Variants in SNAP47 observed in about 807,000 individuals in gnomAD.
SNAP47 encodes the protein synaptosomal-associated protein 47.
In SNAP47, 20 loss-of-function variants were observed where a neutral mutation model predicts 31.4. That is an observed-to-expected ratio of 0.64 (90% CI 0.45 to 0.93). The LOEUF (loss-of-function observed/expected upper bound fraction) is 0.93, where lower values mean the gene tolerates loss of function less well. SNAP47 is among the 40% of genes least tolerant of loss of function. The probability of loss-of-function intolerance (pLI) is 0.00; values close to 1 mark genes in which losing one functional copy is unlikely to be tolerated. For synonymous variants in SNAP47, 194 were observed against 213.4 expected (o/e 0.91, Z 0.79); for missense variants, 492 against 528.5 (o/e 0.93, Z 0.68).
intron 1 of SNAP47, among the ~76,000 whole-genome samples, chr1:227,738,365 G>C (rs1661372212): frequency 6.6e-6 from 1 of 151,974 alleles, no homozygotes; most frequent in Non-Finnish European, 1.5e-5. Flanking sequence ...TTTATTCCTG[G>C]TGTAGAGCCG....
chr1:227,773,724 C>T lies in SNAP47; in HGVS notation c.1113+6641C>T, dbSNP rs769637234. 8.1e-4 allele frequency among the ~76,000 whole-genome samples: 123 copies of T among 152,336 alleles called. 1 individual carries two copies. Among genetic ancestry groups the T allele is most frequent in the Admixed American group, 6.9e-3 (105 of 15,300 alleles). ...TAGCGTGGTGCTCCAGCTACTTGTG[C>T]TGCTTGGTGCTGTGGTGTGCCATGC... On this transcript the variant is annotated intron_variant, in intron 4 of 4. Transcript: ENST00000617596.
chr1:227,731,929 C>G (rs1287536451), upstream of SNAP47: 1 of 177,418 alleles, frequency 5.6e-6, no homozygotes, highest in Non-Finnish European at 1.2e-5. Flanking sequence ...GGAGGCCAAC[C>G]CCAGCCCTGC....
At chr1:227,744,145 A>G (rs1661800891) in intron 1 of SNAP47, 1 of 150,038 alleles carries the variant, frequency 6.7e-6, no homozygotes, top group South Asian at 2.1e-4. Flanking sequence ...GACAGGAAAA[A>G]CAGTCTGTGT....
chr1:227,754,868 T>C (rs184677093), intron 2 of SNAP47, among the ~76,000 whole-genome samples: 65 of 152,356 alleles, frequency 4.3e-4, no homozygotes, highest in African/African-American at 1.5e-3. Flanking sequence ...CTAAAATAAC[T>C]GATGGCTGTC....
chr1:227,743,119 C>T (rs1661723881), intron 1 of SNAP47, among the ~76,000 whole-genome samples: 1 of 152,148 alleles, frequency 6.6e-6, no homozygotes, highest in Admixed American at 6.5e-5. Context: ...GTGGGGTGCT[C>T]AGGTGAGTAT....
At chr1:227,732,693 G>C (rs1321878891), upstream of SNAP47, 3 of 1,610,682 alleles carry the variant, frequency 1.9e-6, no homozygotes, top group South Asian at 3.3e-5. Flanking sequence ...AGAGGGAAGA[G>C]GCCAGTGAGC....
upstream of SNAP47, chr1:227,735,217 A>G (rs2295994): frequency 1.3e-6 from 2 of 1,588,702 alleles, no homozygotes; most frequent in East Asian, 2.3e-5. Flanking sequence ...CGCCGGGGAC[A>G]TCGACCCCCA....
intron 1 of SNAP47, among the ~76,000 whole-genome samples, chr1:227,738,047 TTTTTGC>T (rs1350290457): frequency 6.6e-6 from 1 of 152,040 alleles, no homozygotes; most frequent in Non-Finnish European, 1.5e-5. Context: ...TGTTTTGTTG[TTTTTGC>T]TGTTTTGAGA....
chr1:227,731,058 AC>A (rs2102854743), upstream of SNAP47: 1 of 152,654 alleles, frequency 6.6e-6, no homozygotes, highest in South Asian at 2.1e-4. Context: ...CCGACAAAGC[AC>A]CTTTGCTGCC....
intron 4 of SNAP47, among the ~76,000 whole-genome samples, chr1:227,767,484 CAT>C (rs1281870751): frequency 7.2e-5 from 11 of 152,188 alleles, no homozygotes; most frequent in South Asian, 2.1e-4. Flanking sequence ...GCTATGTGTA[CAT>C]ATGTTATGCA....
At chr1:227,754,742 T>C (rs990579354) in intron 2 of SNAP47, among the ~76,000 whole-genome samples, 5 of 152,102 alleles carry the variant, frequency 3.3e-5, no homozygotes, top group African/African-American at 1.2e-4. Context: ...TTGCAGGCCT[T>C]TGAGGGGAAC....
At chr1:227,749,785 GTGTC>G (rs973866440) in intron 2 of SNAP47, among the ~76,000 whole-genome samples, 2 of 124,584 alleles carry the variant, frequency 1.6e-5, no homozygotes, top group Admixed American at 7.8e-5. Flanking sequence ...ATGTGTATGT[GTGTC>G]TGTGTGTTTC....
At chr1:227,750,640 T>G (rs1200151209) in intron 2 of SNAP47, among the ~76,000 whole-genome samples, 1 of 152,060 alleles carries the variant, frequency 6.6e-6, no homozygotes, top group Non-Finnish European at 1.5e-5. Context: ...GGGGTGTCCC[T>G]GGGCTGGACC....
At chr1:227,730,424 A>AT (rs11312012), upstream of SNAP47, 1,286 of 146,186 alleles carry the variant, frequency 8.8e-3, 8 homozygotes, top group Non-Finnish European at 0.011. Flanking sequence ...TGGTGTCAGC[A>AT]TTTTTTTTTT....
At chr1:227,775,006 C>T (rs1664065917) in intron 4 of SNAP47, among the ~76,000 whole-genome samples, 1 of 152,238 alleles carries the variant, frequency 6.6e-6, no homozygotes. Context: ...TCAAAGTCCC[C>T]TCTGAGCAGC....
rs1662055819 is a variant in SNAP47, at chr1:227,747,680, C to T, written c.-45-12C>T. The T allele has an allele frequency of 1.9e-6, 3 of 1,576,710 alleles. No individual in the cohort carries two copies. Among genetic ancestry groups the T allele is most frequent in the Non-Finnish European group, 2.6e-6 (3 of 1,157,708 alleles). On this transcript the variant is annotated splice_polypyrimidine_tract_variant and intron_variant, in intron 1 of 4. Transcript: ENST00000617596. ...GGGTGACGGCAGAACGTTACTGTCT[C>T]TTCTCCTTCAGAGGCAGAAGAGGCC...
At chr1:227,733,805 G>C, upstream of SNAP47, 3 of 1,583,972 alleles carry the variant, frequency 1.9e-6, no homozygotes, top group Non-Finnish European at 2.6e-6. Context: ...GGCACCCACT[G>C]TGAGGCCTGT....
At chr1:227,776,241 C>G (rs1354954496) in intron 4 of SNAP47, 1 of 1,063,184 alleles carries the variant, frequency 9.4e-7, no homozygotes, top group African/African-American at 1.6e-5. Flanking sequence ...ACACTTCTAT[C>G]AGGTCTGGCT....
rs569418070 is a variant in SNAP47 at position 227,761,860 on chromosome 1, C to G, written c.988+2375C>G. ...CCTGGCTGCACCGTGGTGGCGAGCA[C>G]TCCTGTGTTCCGCAGGCTGGTGTTT... On this transcript the variant is annotated intron_variant, in intron 3 of 4. Transcript: ENST00000617596. Among the ~76,000 whole-genome samples the G allele has an allele frequency of 4.6e-5, 7 of 152,316 alleles. No individual in the cohort carries two copies. In the East Asian group the frequency reaches 1.3e-3, roughly 29 times the overall value.
Sources: gnomAD v4.1 joint callset for allele counts (sites outside exome capture counted in the v4.1 genomes callset) on GRCh38, gnomAD v4.1.1 for gene constraint, MANE v1.5 for transcripts, NCBI Gene and HGNC (gene_info 2026-07-23, HGNC 2026-07-21) for gene names.